Variants in BMPR1B observed in about 807,000 individuals in gnomAD.
The protein encoded by BMPR1B is bone morphogenetic protein receptor type-1B.
Under a neutral mutation model 59.1 loss-of-function variants are expected in BMPR1B, and 12 were observed. That is an observed-to-expected ratio of 0.20 (90% CI 0.13 to 0.33). The LOEUF (loss-of-function observed/expected upper bound fraction) is 0.33. Among genes scored for constraint, BMPR1B ranks in the 10% least tolerant of loss-of-function variants. The pLI is 1.00. For missense variants in BMPR1B, 550 were observed against 610.9 expected, an observed-to-expected ratio of 0.90 and a Z score of 1.05; for synonymous variants, 237 against 207.3, an observed-to-expected ratio of 1.14 and a Z score of -1.23.
intron 1 of BMPR1B, among the ~76,000 whole-genome samples, chr4:94,774,348 A>G (rs1722290984): frequency 6.6e-6 from 1 of 152,094 alleles, no homozygotes; most frequent in African/African-American, 2.4e-5. Flanking sequence ...TTTGCTCTTA[A>G]GGAAAAAATT....
chr4:95,124,006 TTTATC>T, intron 7 of BMPR1B, 100 bp downstream of exon 7: 1 of 781,004 alleles, frequency 1.3e-6, no homozygotes, highest in South Asian at 1.5e-5. Context: ...CACAGCTTTA[TTTATC>T]TTAATTAGAT....
At chr4:95,026,210 CTTA>C (rs918868209) in intron 3 of BMPR1B, among the ~76,000 whole-genome samples, 9 of 145,552 alleles carry the variant, frequency 6.2e-5, no homozygotes, top group African/African-American at 2.0e-4. Context: ...TATGTGGAGA[CTTA>C]TTATCTGAGT....
chr4:94,894,882 A>G (rs1281978799), intron 2 of BMPR1B, among the ~76,000 whole-genome samples: 5 of 152,014 alleles, frequency 3.3e-5, no homozygotes, highest in East Asian at 1.9e-4. Context: ...TATAAATAAC[A>G]TAAGTTCCTT....
intron 1 of BMPR1B, among the ~76,000 whole-genome samples, chr4:94,845,818 T>C (rs1007830174): frequency 2.0e-5 from 3 of 152,180 alleles, no homozygotes; most frequent in African/African-American, 7.2e-5. Flanking sequence ...ATCTAGTCTA[T>C]TTATATGTAT....
At chr4:95,031,172 G>T (rs549280651) in intron 3 of BMPR1B, among the ~76,000 whole-genome samples, 27 of 152,082 alleles carry the variant, frequency 1.8e-4, no homozygotes, top group Non-Finnish European at 3.5e-4. Context: ...CCAAAACAGA[G>T]ATAGAGAACA....
At chr4:94,953,770 T>TTC (rs1266308852) in intron 2 of BMPR1B, among the ~76,000 whole-genome samples, 2 of 152,144 alleles carry the variant, frequency 1.3e-5, no homozygotes, top group African/African-American at 4.8e-5. Flanking sequence ...CTCTGTGGTG[T>TTC]TCTCTGTATT....
rs1295489927 is a variant in BMPR1B at position 94,922,882 on chromosome 4, CA to C, written c.-113+46984del. Among the ~76,000 whole-genome samples, 12 of 152,186 alleles carry C rather than the reference CA, an allele frequency of 7.9e-5. No individual in the cohort carries two copies. In the South Asian group the frequency reaches 2.5e-3, roughly 32 times the overall value. Reference sequence around the variant, plus strand: ...TTTGCTATCCAGACCCCAAATTATGCAATCTTTTAACAATTGTCAACATTTC... The same window carrying C: ...TTTGCTATCCAGACCCCAAATTATGCATCTTTTAACAATTGTCAACATTTC... On this transcript the variant is annotated intron_variant, in intron 2 of 12. Transcript: ENST00000515059.
chr4:95,133,615 A>G (rs1312472229), intron 10 of BMPR1B, among the ~76,000 whole-genome samples: 1 of 152,074 alleles, frequency 6.6e-6, no homozygotes, highest in East Asian at 1.9e-4. Context: ...TCTGTCACCC[A>G]GACTGGAGTG....
Position 94,991,910 on chromosome 4 carries a change from T to G in BMPR1B, c.-112-4130T>G, listed in dbSNP as rs1332312486. The stretch of plus-strand genomic sequence containing the variant: ...CAGGAAACCAAGAATACAAAACTAC[T>G]TACTGAATTGATGCAGTCTTCATCT... On this transcript the variant is annotated intron_variant, in intron 2 of 12. Coordinates refer to ENST00000515059, the MANE Select transcript of BMPR1B (RefSeq NM_001203.3). Among the ~76,000 whole-genome samples the G allele has an allele frequency of 4.6e-5, 7 of 152,306 alleles. No individual in the cohort carries two copies. In the South Asian group the frequency reaches 1.4e-3, roughly 32 times the overall value.
rs185153225 is a variant in BMPR1B, at chr4:95,095,005, G to A, written c.-17-9403G>A. On this transcript the variant is annotated intron_variant, in intron 3 of 12. Transcript: ENST00000515059. ...ACTTTCCAGAAAAGTTTAGGCATATGTCCCAACTTTTTATTAATTATTTAG... is the reference window on the plus strand; with the variant it reads ...ACTTTCCAGAAAAGTTTAGGCATATATCCCAACTTTTTATTAATTATTTAG... 6.2e-3 allele frequency among the ~76,000 whole-genome samples: 942 copies of A among 151,738 alleles called. 11 individuals carry two copies. Among genetic ancestry groups the A allele is most frequent in the African/African-American group, 0.021 (882 of 41,464 alleles).
chr4:95,110,426 G>T (rs3796434), intron 4 of BMPR1B, among the ~76,000 whole-genome samples: 1 of 151,782 alleles, frequency 6.6e-6, no homozygotes, highest in Non-Finnish European at 1.5e-5. Flanking sequence ...AATAAAAGGG[G>T]CATCTCTCAC....
chr4:95,124,845 G>C, intron 7 of BMPR1B, 138 bp from the exon 8 acceptor site: 1 of 785,222 alleles, frequency 1.3e-6, no homozygotes, highest in Non-Finnish European at 2.0e-6. Flanking sequence ...CCATAACTAA[G>C]AGTAAAAAAT....
rs529456600 is a variant in BMPR1B, at chr4:94,829,151, G to A, written c.-182-46680G>A. Among the ~76,000 whole-genome samples, 4 of 152,174 alleles carry A rather than the reference G, an allele frequency of 2.6e-5. No homozygotes were observed. In the East Asian group the frequency reaches 7.7e-4, roughly 29 times the overall value. ...ATACCACACCCTGACTGTACCTTAAGTTTATGCTTCTGTGAGTTAAAGAAG... is the reference window on the plus strand; with the variant it reads ...ATACCACACCCTGACTGTACCTTAAATTTATGCTTCTGTGAGTTAAAGAAG... On this transcript the variant is annotated intron_variant, in intron 1 of 12. Transcript: ENST00000515059.
intron 1 of BMPR1B, among the ~76,000 whole-genome samples, chr4:94,854,013 T>C (rs1398382666): frequency 2.0e-5 from 3 of 152,264 alleles, no homozygotes; most frequent in Non-Finnish European, 4.4e-5. Context: ...TTCCTCTTAT[T>C]GCAAATTAAA....
intron 2 of BMPR1B, among the ~76,000 whole-genome samples, chr4:94,883,644 A>G (rs1727065024): frequency 6.6e-6 from 1 of 151,966 alleles, no homozygotes; most frequent in African/African-American, 2.4e-5. Context: ...TAAGGAATAT[A>G]TTCTGTAATA....
chr4:94,912,891 TG>T (rs758040475), intron 2 of BMPR1B, among the ~76,000 whole-genome samples: 1 of 152,148 alleles, frequency 6.6e-6, no homozygotes, highest in Non-Finnish European at 1.5e-5. Context: ...CAGAATTAAA[TG>T]TAAAACTTGG....
At chr4:94,770,180 G>GGTTTTTTTTTTTTTTTT (rs771544268) in intron 1 of BMPR1B, among the ~76,000 whole-genome samples, 5 of 106,274 alleles carry the variant, frequency 4.7e-5, no homozygotes, top group African/African-American at 1.7e-4. Flanking sequence ...CTTCGTTTCT[G>GGTTTTTTTTTTTTTTTT]TGTTTGTTTT....
chr4:95,038,250 A>G (rs1260478974), intron 3 of BMPR1B, among the ~76,000 whole-genome samples: 1 of 152,102 alleles, frequency 6.6e-6, no homozygotes, highest in Non-Finnish European at 1.5e-5. Context: ...AAGAAGGGGG[A>G]GAAAAAGAGC....
rs1291852239 is a variant in BMPR1B, at chr4:94,758,010, C to G, written c.-241C>G. On this transcript the variant is annotated 5_prime_UTR_variant, in exon 1 of 13. Coordinates refer to ENST00000515059, the MANE Select transcript of BMPR1B (RefSeq NM_001203.3). ...GCGGAGTCGGCGGGGCCTCGCGGGA[C>G]GCCGGGCAGTGCGGAGACCGCGGCG... The G allele has an allele frequency of 6.9e-6, 1 of 144,828 alleles. No homozygotes were observed. The highest frequency in any genetic ancestry group is 2.1e-4 in the East Asian group (1 of 4,788). 9.0% of individuals were successfully genotyped at this position (144,828 alleles called of 1,614,324 possible).
Sources: allele counts gnomAD v4.1 joint callset (sites outside exome capture counted in the v4.1 genomes callset), GRCh38; gene constraint gnomAD v4.1.1; transcripts MANE v1.5; gene names NCBI Gene and HGNC (gene_info 2026-07-23, HGNC 2026-07-21).